Variants in ARHGAP21 observed in about 807,000 individuals in gnomAD.
ARHGAP21 encodes the protein Rho GTPase activating protein 21, also known as rho GTPase-activating protein 21.
A neutral mutation model predicts 164.6 loss-of-function variants in ARHGAP21; 38 were observed. That is an observed-to-expected ratio of 0.23 (90% CI 0.18 to 0.30). ARHGAP21 has a LOEUF of 0.30. ARHGAP21 is among the 10% of genes least tolerant of loss of function. The pLI is 1.00. For missense variants in ARHGAP21, 1,822 were observed against 2,370.7 expected, an observed-to-expected ratio of 0.77 and a Z score of 4.81; for synonymous variants, 766 against 857.9, an observed-to-expected ratio of 0.89 and a Z score of 1.87.
At chr10:24,590,414 T>TGTCCATCAGGGACATCACAGA in intron 24 of ARHGAP21, 1 of 1,535,428 alleles carries the variant, frequency 6.5e-7, no homozygotes, top group Non-Finnish European at 8.7e-7. Context: ...CAGTTCCAGC[T>TGTCCATCAGGGACATCACAGA]GTCCATCAGG....
At chr10:24,717,534 A>G (rs996347704) in intron 2 of ARHGAP21, among the ~76,000 whole-genome samples, 1 of 152,170 alleles carries the variant, frequency 6.6e-6, no homozygotes, top group East Asian at 1.9e-4. Context: ...AGAAAAGACC[A>G]GTATGATGAG....
In ARHGAP21 at chr10:24,622,119, A is replaced by G. The variant is rs115475351; in HGVS notation, c.525+614T>C. Among the ~76,000 whole-genome samples, 1,468 of 152,198 alleles carry G rather than the reference A, an allele frequency of 9.6e-3. 29 individuals are homozygous for G. The highest frequency in any genetic ancestry group is 0.034 in the African/African-American group (1,395 of 41,542). ...ATAAGGAGACATTTCTCTATTACTA[A>G]CAGGCAGGCATGCAGCCTAAATAGT... is the stretch of plus-strand genomic sequence containing the variant. On this transcript the variant is annotated intron_variant, in intron 8 of 25. Transcript: ENST00000396432.
chr10:24,617,612 A>G lies in ARHGAP21; in HGVS notation c.2422+1861T>C, dbSNP rs984649322. Among the ~76,000 whole-genome samples, 3 of 147,292 alleles carry G rather than the reference A, an allele frequency of 2.0e-5. No homozygotes were observed. The South Asian group carries it at 6.3e-4, about 31-fold the overall frequency. The stretch of plus-strand genomic sequence containing the variant: ...GACAACTTGAATATATCCGATTTAT[A>G]AAAAAAAACATAAGCTGTGTGGAAC... On this transcript the variant is annotated intron_variant, in intron 9 of 25. Transcript: ENST00000396432.
intron 3 of ARHGAP21, among the ~76,000 whole-genome samples, chr10:24,667,636 T>C (rs1414209990): frequency 6.6e-6 from 1 of 152,162 alleles, no homozygotes; most frequent in Non-Finnish European, 1.5e-5. Flanking sequence ...CATTTTCAAA[T>C]ATTTGCTGAG....
At chr10:24,673,437 A>G (rs1840902295) in intron 2 of ARHGAP21, among the ~76,000 whole-genome samples, 1 of 152,230 alleles carries the variant, frequency 6.6e-6, no homozygotes, top group African/African-American at 2.4e-5. Flanking sequence ...ACCCATGTCA[A>G]TATTGTACAA....
intron 2 of ARHGAP21, among the ~76,000 whole-genome samples, chr10:24,707,977 AC>A (rs1244462612): frequency 6.6e-6 from 1 of 152,220 alleles, no homozygotes; most frequent in African/African-American, 2.4e-5. Context: ...CTGCCTGTAT[AC>A]AGCAGTGTTT....
intron 2 of ARHGAP21, among the ~76,000 whole-genome samples, chr10:24,701,911 C>T (rs1253186072): frequency 6.6e-6 from 1 of 152,108 alleles, no homozygotes; most frequent in East Asian, 1.9e-4. Context: ...CTTCTGAGTT[C>T]CCTATGTATG....
chr10:24,643,865 T>C (rs1837312058), intron 4 of ARHGAP21, among the ~76,000 whole-genome samples: 2 of 152,288 alleles, frequency 1.3e-5, no homozygotes, highest in Non-Finnish European at 2.9e-5. Flanking sequence ...GTTTCAAACT[T>C]CTAGTAACCT....
chr10:24,719,093 CGG>C (rs1845668416), intron 2 of ARHGAP21, among the ~76,000 whole-genome samples: 2 of 101,084 alleles, frequency 2.0e-5, no homozygotes, highest in African/African-American at 9.5e-5. Context: ...GAAGACTTCA[CGG>C]ACTACACACA....
chr10:24,690,867 TAC>T (rs1341362016), intron 2 of ARHGAP21, among the ~76,000 whole-genome samples: 10 of 150,198 alleles, frequency 6.7e-5, no homozygotes, highest in East Asian at 1.9e-4. Context: ...CATATATATA[TAC>T]ACACACACAC....
rs367926889 is a variant in ARHGAP21 at position 24,621,226 on chromosome 10, A to C, written c.669T>G (p.Pro223=). 39 of 1,613,952 alleles carry C rather than the reference A, an allele frequency of 2.4e-5. No homozygotes were observed. Among genetic ancestry groups the C allele is most frequent in the African/African-American group, 2.3e-4 (17 of 75,034 alleles). ...TTTGCTGTTTGCTCAATGATGAGTC[A>C]GGAGGAGATATTTCAACTGGCTGTG... ...AMAQPVEISP[P]DSSLSKQQTS... The change falls in exon 9 of 26, where the codon CCT becomes CCG. Residue 223 remains proline, a synonymous_variant. Coordinates refer to ENST00000396432, the MANE Select transcript of ARHGAP21 (RefSeq NM_020824.4).
intron 4 of ARHGAP21, among the ~76,000 whole-genome samples, chr10:24,666,036 G>A (rs1840162271): frequency 6.6e-6 from 1 of 152,092 alleles, no homozygotes; most frequent in Admixed American, 6.5e-5. Flanking sequence ...GTTTTGTTTT[G>A]TTTTGTTTTT....
intron 7 of ARHGAP21, among the ~76,000 whole-genome samples, chr10:24,628,532 G>A (rs1003872689): frequency 2.6e-5 from 4 of 151,406 alleles, no homozygotes; most frequent in African/African-American, 9.7e-5. Context: ...CCATTACCAC[G>A]ACAAAGAGTC....
At position 24,594,980 on chromosome 10, in the gene ARHGAP21, C is replaced by A; in HGVS notation, c.3846G>T (p.Lys1282Asn). 1 of 1,610,252 alleles carries A rather than the reference C, an allele frequency of 6.2e-7. No homozygotes were observed. The highest frequency in any genetic ancestry group is 1.1e-5 in the South Asian group (1 of 90,834). Residue 1282 changes from lysine to asparagine, a missense_variant, in exon 21 of 26, where the codon AAG becomes AAT. Coordinates refer to ENST00000396432, the MANE Select transcript of ARHGAP21 (RefSeq NM_020824.4). ...ETLKFLSAHL[K>N]TVAENSEKNK... ...TTTTTTCTGAATTTTCTGCCACTGT[C>A]TTCAGATGAGCTGAAAGGAACTTAA... is the stretch of plus-strand genomic sequence containing the variant.
intron 2 of ARHGAP21, among the ~76,000 whole-genome samples, chr10:24,710,504 CTACTA>C (rs1565201483): frequency 1.3e-5 from 2 of 152,140 alleles, no homozygotes; most frequent in Admixed American, 6.5e-5. Context: ...CATTGCAACT[CTACTA>C]TAAGTACTTG....
At chr10:24,657,644 T>C (rs1430742383) in intron 4 of ARHGAP21, among the ~76,000 whole-genome samples, 13 of 122,586 alleles carry the variant, frequency 1.1e-4, no homozygotes, top group African/African-American at 4.4e-4. Flanking sequence ...AGAAACCGGA[T>C]GGTTGCCGTG....
intron 4 of ARHGAP21, among the ~76,000 whole-genome samples, chr10:24,656,343 G>T (rs1388990637): frequency 9.3e-6 from 1 of 107,624 alleles, no homozygotes; most frequent in African/African-American, 4.0e-5. Flanking sequence ...GGGAGATGGG[G>T]GGGTCAGCCC....
At chr10:24,651,281 T>C (rs1341677799) in intron 4 of ARHGAP21, among the ~76,000 whole-genome samples, 5 of 152,200 alleles carry the variant, frequency 3.3e-5, no homozygotes, top group Non-Finnish European at 5.9e-5. Flanking sequence ...GACTCTTCAC[T>C]GGCCTAGCAG....
In ARHGAP21 at chr10:24,648,673, G is replaced by A. The variant is rs1287433483; in HGVS notation, c.269-13570C>T. ...TAGGTGCCTATAAACCCAGCTACTC[G>A]GGAGGCTGAGGCAGGAGAATTGCTT... On this transcript the variant is annotated intron_variant, in intron 4 of 25. Coordinates refer to ENST00000396432, the MANE Select transcript of ARHGAP21 (RefSeq NM_020824.4). Among the ~76,000 whole-genome samples the A allele has an allele frequency of 6.6e-5, 10 of 151,948 alleles. No individual in the cohort carries two copies. The South Asian group carries it at 1.0e-3, about 16-fold the overall frequency.
Sources: gnomAD v4.1 joint callset for allele counts (sites outside exome capture counted in the v4.1 genomes callset) on GRCh38, gnomAD v4.1.1 for gene constraint, MANE v1.5 for transcripts, NCBI Gene and HGNC (gene_info 2026-07-23, HGNC 2026-07-21) for gene names.